PDZD2: variants seen among roughly 807,000 people sequenced by gnomAD.
PDZD2 encodes PDZ domain containing 2, also known as PDZ domain-containing protein 2.
A neutral mutation model predicts 220.7 loss-of-function variants in PDZD2; 90 were observed. The observed-to-expected ratio is 0.41, with a 90% CI of 0.34 to 0.49. The LOEUF is 0.49. Among genes scored for constraint, PDZD2 ranks in the 20% least tolerant of loss-of-function variants. The probability of loss-of-function intolerance (pLI) is 0.28; values close to 1 mark genes in which losing one functional copy is unlikely to be tolerated. For synonymous variants in PDZD2, 1,375 were observed against 1,450.5 expected, an observed-to-expected ratio of 0.95 and a Z score of 1.18; for missense variants, 3,174 against 3,608.5, an observed-to-expected ratio of 0.88 and a Z score of 3.08.
chr5:32,016,979 G>T (rs1300430743), intron 6 of PDZD2, among the ~76,000 whole-genome samples: 1 of 152,200 alleles, frequency 6.6e-6, no homozygotes, highest in African/African-American at 2.4e-5. Context: ...CGTCTCCCAG[G>T]TCCTCACTGT....
intron 2 of PDZD2, among the ~76,000 whole-genome samples, chr5:31,810,135 C>A (rs1305251008): frequency 6.6e-6 from 1 of 152,154 alleles, no homozygotes. Flanking sequence ...ACCCCTGGGC[C>A]ATTTTCAGCA....
chr5:32,051,309 T>C (rs1485164887), intron 8 of PDZD2, among the ~76,000 whole-genome samples: 5 of 152,140 alleles, frequency 3.3e-5, no homozygotes, highest in African/African-American at 4.8e-5. Context: ...TTTTTAATGA[T>C]TGAAAGTCTG....
intron 2 of PDZD2, among the ~76,000 whole-genome samples, chr5:31,862,973 T>C (rs62361591): frequency 0.042 from 6,454 of 152,252 alleles, 161 homozygotes; most frequent in Non-Finnish European, 0.054. Context: ...GTGATCTGCC[T>C]GCCTCGGCCT....
chr5:31,734,412 C>T (rs1198673705), intron 1 of PDZD2, among the ~76,000 whole-genome samples: 2 of 152,092 alleles, frequency 1.3e-5, no homozygotes, highest in East Asian at 3.9e-4. Context: ...CTCTGCCTCC[C>T]GGGTTCAAGC....
At chr5:31,755,734 C>T (rs1223277995) in intron 1 of PDZD2, among the ~76,000 whole-genome samples, 1 of 150,914 alleles carries the variant, frequency 6.6e-6, no homozygotes, top group Admixed American at 6.6e-5. Flanking sequence ...TTTCCTGAAA[C>T]AAAATTTGCT....
rs553884463 is a variant in PDZD2, at chr5:32,017,311, C to T, written c.1407+6829C>T. Among the ~76,000 whole-genome samples the T allele has an allele frequency of 1.1e-4, 17 of 152,190 alleles. No homozygotes were observed. In the South Asian group the frequency reaches 2.9e-3, roughly 26 times the overall value. ...AAAATTAGCCAGGTGTGGTGGCTCACGCCTGTAATCCCATCTATGAGGGAG... is the reference window on the plus strand; with the variant it reads ...AAAATTAGCCAGGTGTGGTGGCTCATGCCTGTAATCCCATCTATGAGGGAG... On this transcript the variant is annotated intron_variant, in intron 6 of 24. Transcript: ENST00000438447.
chr5:31,905,144 A>T (rs1455029613), intron 2 of PDZD2, among the ~76,000 whole-genome samples: 1 of 150,698 alleles, frequency 6.6e-6, no homozygotes, highest in Non-Finnish European at 1.5e-5. Context: ...AATTTTTTGT[A>T]TTTTTTTTTC....
intron 3 of PDZD2, among the ~76,000 whole-genome samples, chr5:31,986,337 C>T (rs1051112944): frequency 4.6e-5 from 7 of 152,164 alleles, no homozygotes; most frequent in South Asian, 4.1e-4. Context: ...TTTTTGGCCC[C>T]GGGTCATACT....
chr5:32,024,292 C>A (rs1291558568), intron 6 of PDZD2, among the ~76,000 whole-genome samples: 3 of 152,164 alleles, frequency 2.0e-5, no homozygotes, highest in African/African-American at 7.2e-5. Context: ...TGCCATCATC[C>A]CTCAAGCCGC....
chr5:31,936,159 A>G, intron 2 of PDZD2: 1 of 957,470 alleles, frequency 1.0e-6, no homozygotes, highest in African/African-American at 1.8e-5. Context: ...TCCACAGAGC[A>G]TGGGGAGCTG....
At chr5:31,803,122 C>T (rs1754501303) in intron 2 of PDZD2, among the ~76,000 whole-genome samples, 2 of 150,138 alleles carry the variant, frequency 1.3e-5, no homozygotes, top group African/African-American at 2.4e-5. Flanking sequence ...TTGCAGACAG[C>T]GTCTTACTCT....
intron 1 of PDZD2, among the ~76,000 whole-genome samples, chr5:31,674,454 C>CA (rs1746329044): frequency 6.6e-6 from 1 of 152,134 alleles, no homozygotes; most frequent in South Asian, 2.1e-4. Context: ...TAGCCAAAAC[C>CA]AAAAACACTT....
At chr5:31,663,713 T>C (rs1745868794) in intron 1 of PDZD2, among the ~76,000 whole-genome samples, 1 of 152,214 alleles carries the variant, frequency 6.6e-6, no homozygotes, top group South Asian at 2.1e-4. Context: ...TTTGCGGTAT[T>C]TGGCTCCGTG....
intron 1 of PDZD2, among the ~76,000 whole-genome samples, chr5:31,791,027 T>G (rs1435691693): frequency 6.6e-6 from 1 of 152,078 alleles, no homozygotes; most frequent in Non-Finnish European, 1.5e-5. Flanking sequence ...TGCTACTTAA[T>G]GTATGCTGCT....
chr5:31,856,194 A>G (rs1401750154), intron 2 of PDZD2, among the ~76,000 whole-genome samples: 2 of 152,152 alleles, frequency 1.3e-5, no homozygotes, highest in Non-Finnish European at 2.9e-5. Context: ...CCCAGCTGCT[A>G]ATCTGGCCAT....
At chr5:31,695,811 T>G (rs1747355172) in intron 1 of PDZD2, among the ~76,000 whole-genome samples, 1 of 152,180 alleles carries the variant, frequency 6.6e-6, no homozygotes, top group Admixed American at 6.5e-5. Flanking sequence ...GAGCAGAATG[T>G]AGCACTTCCA....
intron 2 of PDZD2, among the ~76,000 whole-genome samples, chr5:31,906,311 G>A (rs1742645211): frequency 6.6e-6 from 1 of 150,484 alleles, no homozygotes; most frequent in African/African-American, 2.4e-5. Flanking sequence ...GTCTCACCCT[G>A]TTGCAGAGGC....
chr5:32,057,569 G>T, intron 10 of PDZD2, 86 bp from the exon 11 acceptor site: 1 of 772,370 alleles, frequency 1.3e-6, no homozygotes, highest in South Asian at 1.6e-5. Flanking sequence ...GGGACCATAT[G>T]GTATCCCAAA....
At chr5:31,996,710 T>G (rs1581237153) in intron 4 of PDZD2, among the ~76,000 whole-genome samples, 1 of 152,148 alleles carries the variant, frequency 6.6e-6, no homozygotes, top group South Asian at 2.1e-4. Flanking sequence ...TTCGTCTCGA[T>G]TAAAAAATAA....
Sources: gnomAD v4.1 joint callset for allele counts (sites outside exome capture counted in the v4.1 genomes callset) on GRCh38, gnomAD v4.1.1 for gene constraint, MANE v1.5 for transcripts, NCBI Gene and HGNC (gene_info 2026-07-23, HGNC 2026-07-21) for gene names.